Variants in FSTL5 observed in about 807,000 individuals in gnomAD.
FSTL5 encodes follistatin like 5, also known as follistatin-related protein 5.
In FSTL5, 62 loss-of-function variants were observed where a neutral mutation model predicts 89.1. That is an observed-to-expected ratio of 0.70 (90% CI 0.57 to 0.86). The LOEUF is 0.86. Ranked by LOEUF, FSTL5 falls within the 40% of genes least tolerant of loss-of-function variation. FSTL5 has a pLI of 0.00. For synonymous variants in FSTL5, 383 were observed against 346.2 expected (o/e 1.11, Z -1.18); for missense variants, 1,057 against 1,001.6 (o/e 1.06, Z -0.75).
At chr4:161,914,717 C>G (rs547223462) in intron 4 of FSTL5, among the ~76,000 whole-genome samples, 1 of 152,010 alleles carries the variant, frequency 6.6e-6, no homozygotes, top group East Asian at 1.9e-4. Context: ...TTAATTTGAC[C>G]AGATACAATA....
intron 4 of FSTL5, among the ~76,000 whole-genome samples, chr4:161,836,969 G>T (rs193277062): frequency 1.8e-3 from 276 of 152,232 alleles, no homozygotes; most frequent in Non-Finnish European, 2.4e-3. Context: ...GGGCCTGGGT[G>T]TGTTGAGTTT....
At chr4:161,748,303 T>C (rs947930215) in intron 6 of FSTL5, among the ~76,000 whole-genome samples, 1 of 152,166 alleles carries the variant, frequency 6.6e-6, no homozygotes, top group African/African-American at 2.4e-5. Context: ...TATGACATGT[T>C]AAAGTATTTT....
intron 4 of FSTL5, among the ~76,000 whole-genome samples, chr4:161,853,417 G>A (rs1436787527): frequency 3.9e-5 from 6 of 152,106 alleles, no homozygotes; most frequent in Middle Eastern, 3.4e-3. Context: ...ACAGGCACCT[G>A]CCACTACACC....
chr4:161,393,524 C>T (rs894602873), intron 15 of FSTL5, among the ~76,000 whole-genome samples: 2 of 151,882 alleles, frequency 1.3e-5, no homozygotes, highest in African/African-American at 4.8e-5. Flanking sequence ...TAGCTACATC[C>T]CGGCTTCAGC....
chr4:161,972,144 G>A (rs1735502799), intron 3 of FSTL5, among the ~76,000 whole-genome samples: 1 of 152,118 alleles, frequency 6.6e-6, no homozygotes, highest in Non-Finnish European at 1.5e-5. Context: ...CCAGGCTGGA[G>A]TGCAGTGGTG....
intron 8 of FSTL5, among the ~76,000 whole-genome samples, chr4:161,581,489 G>A (rs1733438600): frequency 6.6e-6 from 1 of 152,212 alleles, no homozygotes; most frequent in African/African-American, 2.4e-5. Context: ...ACCCAGTGCA[G>A]AGATTCCAGT....
In FSTL5 at chr4:161,837,471, G is replaced by A. The variant is rs114417651; in HGVS notation, c.410-61397C>T. Among the ~76,000 whole-genome samples the A allele has an allele frequency of 3.2e-3, 490 of 152,176 alleles. 4 individuals carry two copies. The highest frequency in any genetic ancestry group is 0.011 in the African/African-American group (470 of 41,566). Reference sequence around the variant, plus strand: ...AAATAGGATGCCATTGAAATTAGGGGAAAGTGTCTCAGTGAATTTTTCTGA... The same window carrying A: ...AAATAGGATGCCATTGAAATTAGGGAAAAGTGTCTCAGTGAATTTTTCTGA... On this transcript the variant is annotated intron_variant, in intron 4 of 15. Transcript: ENST00000306100.
chr4:162,003,412 G>A (rs1422640049), intron 3 of FSTL5, among the ~76,000 whole-genome samples: 1 of 152,064 alleles, frequency 6.6e-6, no homozygotes, highest in East Asian at 1.9e-4. Context: ...TGGCTTTGAA[G>A]TTGGGACTCT....
intron 3 of FSTL5, among the ~76,000 whole-genome samples, chr4:162,031,659 C>T (rs1683632472): frequency 1.3e-5 from 2 of 152,052 alleles, no homozygotes; most frequent in Non-Finnish European, 2.9e-5. Context: ...AGTCTAGGGC[C>T]GGGCGCGGTG....
intron 4 of FSTL5, among the ~76,000 whole-genome samples, chr4:161,848,062 A>AC (rs1731431354): frequency 6.7e-6 from 1 of 149,720 alleles, no homozygotes; most frequent in East Asian, 1.9e-4. Flanking sequence ...AAAAAAAAAA[A>AC]CAAGACATAT....
chr4:161,611,043 A>G (rs758643814), intron 7 of FSTL5, among the ~76,000 whole-genome samples: 1 of 151,460 alleles, frequency 6.6e-6, no homozygotes, highest in African/African-American at 2.4e-5. Flanking sequence ...TCATTTTATC[A>G]GAGAATAAAC....
intron 1 of FSTL5, among the ~76,000 whole-genome samples, chr4:162,157,956 A>G (rs1733545415): frequency 6.6e-6 from 1 of 152,158 alleles, no homozygotes; most frequent in Non-Finnish European, 1.5e-5. Flanking sequence ...ACAATAGAAT[A>G]AAGTATTTAA....
intron 7 of FSTL5, among the ~76,000 whole-genome samples, chr4:161,609,736 T>C (rs1188674151): frequency 1.3e-5 from 2 of 152,132 alleles, no homozygotes; most frequent in African/African-American, 4.8e-5. Context: ...ATGAGCTTCA[T>C]ACTTGTATCA....
At chr4:161,860,213 G>A (rs902014704) in intron 4 of FSTL5, among the ~76,000 whole-genome samples, 21 of 152,074 alleles carry the variant, frequency 1.4e-4, no homozygotes, top group Admixed American at 6.5e-4. Context: ...GCGTGAACCC[G>A]GGAGGCGGAG....
intron 13 of FSTL5, among the ~76,000 whole-genome samples, chr4:161,472,612 C>A (rs79991244): frequency 0.029 from 4,400 of 151,270 alleles, 149 homozygotes; most frequent in East Asian, 0.13. Flanking sequence ...TTTTTTTAAT[C>A]GATTGTTTAA....
At chr4:161,507,908 T>C (rs1382256529) in intron 11 of FSTL5, among the ~76,000 whole-genome samples, 1 of 151,948 alleles carries the variant, frequency 6.6e-6, no homozygotes, top group Non-Finnish European at 1.5e-5. Context: ...TTATTGGCCT[T>C]AAGTGACCTA....
At chr4:161,646,054 T>TA (rs925876881) in intron 7 of FSTL5, among the ~76,000 whole-genome samples, 2 of 150,796 alleles carry the variant, frequency 1.3e-5, no homozygotes, top group Non-Finnish European at 3.0e-5. Flanking sequence ...TCTAAAATGT[T>TA]AAAAAAAATT....
intron 13 of FSTL5, among the ~76,000 whole-genome samples, chr4:161,462,358 A>AT (rs1215116078): frequency 2.0e-5 from 3 of 152,112 alleles, no homozygotes; most frequent in Non-Finnish European, 2.9e-5. Flanking sequence ...TTTTTCCTCT[A>AT]TTGGAGGTTA....
At chr4:162,044,958 G>A (rs1738116258) in intron 2 of FSTL5, among the ~76,000 whole-genome samples, 1 of 152,050 alleles carries the variant, frequency 6.6e-6, no homozygotes, top group Non-Finnish European at 1.5e-5. Flanking sequence ...TTTTTAGCCA[G>A]GCCATTGAAA....
Sources: gnomAD v4.1 joint callset for allele counts (sites outside exome capture counted in the v4.1 genomes callset) on GRCh38, gnomAD v4.1.1 for gene constraint, MANE v1.5 for transcripts, NCBI Gene and HGNC (gene_info 2026-07-23, HGNC 2026-07-21) for gene names.